Variants in RNF19A observed in about 807,000 individuals in gnomAD.
RNF19A encodes E3 ubiquitin-protein ligase RNF19A.
RNF19A carries 32 observed loss-of-function variants against 75.7 expected under a neutral mutation model. The ratio of observed to expected loss-of-function variants is 0.42; its 90% CI spans 0.32 to 0.57. The LOEUF (loss-of-function observed/expected upper bound fraction) is 0.57, where lower values mean the gene tolerates loss of function less well. RNF19A is among the 20% of genes least tolerant of loss of function. The pLI, the probability that RNF19A is intolerant of heterozygous loss-of-function variation, is 0.10. For synonymous variants in RNF19A, 335 were observed against 345.2 expected (o/e 0.97, Z 0.33); for missense variants, 782 against 1,036.3 (o/e 0.75, Z 3.37).
In RNF19A at chr8:100,287,747, C is replaced by T. The variant is rs1229561063; in HGVS notation, c.428G>A (p.Arg143Lys). Residue 143 changes from arginine (R) to lysine (K), a missense_variant, in exon 2 of 10, where the codon AGA becomes AAA. Physicochemically the swap from Arg to Lys is conservative, Grantham distance 26. Transcript: ENST00000341084. The surrounding 1 kb of genome is among the most constrained non-coding windows in gnomAD (Gnocchi z 4.1). Reference protein sequence around the residue: ...PLCLLRHSKDRFPDIMTCHHR... With the variant: ...PLCLLRHSKDKFPDIMTCHHR... The stretch of plus-strand genomic sequence containing the variant: ...ATGACAAGTCATTATATCAGGAAAT[C>T]TGTCTTTAGAATGCCGCAAAAGGCA... The T allele has an allele frequency of 6.2e-7, 1 of 1,614,108 alleles. No individual in the cohort carries two copies. The highest frequency in any genetic ancestry group is 1.1e-5 in the South Asian group (1 of 91,078).
intron 1 of RNF19A, among the ~76,000 whole-genome samples, chr8:100,304,762 T>C (rs997010868): frequency 6.6e-6 from 1 of 152,186 alleles, no homozygotes; most frequent in African/African-American, 2.4e-5. Flanking sequence ...AACAGTACAT[T>C]CTATATGCAC....
At chr8:100,302,352 A>C (rs1428141998) in intron 1 of RNF19A, among the ~76,000 whole-genome samples, 1 of 152,218 alleles carries the variant, frequency 6.6e-6, no homozygotes, top group African/African-American at 2.4e-5. Flanking sequence ...GGATTTCCTG[A>C]TGGATTACAA....
At chr8:100,303,081 A>G (rs1821912839) in intron 1 of RNF19A, 1 of 152,234 alleles carries the variant, frequency 6.6e-6, no homozygotes, top group African/African-American at 2.4e-5. Context: ...AAGACTTTTG[A>G]CTGCATAGTA....
chr8:100,283,467 G>A (rs1483794832), intron 2 of RNF19A, among the ~76,000 whole-genome samples: 1 of 152,134 alleles, frequency 6.6e-6, no homozygotes, highest in Non-Finnish European at 1.5e-5. Flanking sequence ...ACTTACTCTG[G>A]TTAAATCACA....
At chr8:100,289,057 C>T (rs1331693547) in intron 1 of RNF19A, among the ~76,000 whole-genome samples, 1 of 104,460 alleles carries the variant, frequency 9.6e-6, no homozygotes, top group Non-Finnish European at 1.8e-5. Flanking sequence ...GAGACTCCAT[C>T]TCAAAAAAAA....
In RNF19A at chr8:100,258,925, A is replaced by AC; in HGVS notation, c.2147dup (p.Ser716ArgfsTer11). The AC allele has an allele frequency of 6.2e-7, 1 of 1,614,262 alleles. No individual in the cohort carries two copies. The highest frequency in any genetic ancestry group is 2.2e-5 in the East Asian group (1 of 44,894). On this transcript the variant is annotated frameshift_variant, in exon 10 of 10. Transcript: ENST00000341084. LOFTEE classifies it high-confidence loss of function. This position sits in a 1 kb window ranked among gnomAD's most constrained non-coding sequence, Gnocchi z 4.3. ...AGTGAGAATCTGCTACAGAAGGCATACTGTCACTGAGGGATGGAGCCTCAA... is the reference window on the plus strand; with the variant it reads ...AGTGAGAATCTGCTACAGAAGGCATACCTGTCACTGAGGGATGGAGCCTCAA...
At chr8:100,277,783 G>T (rs777659943) in intron 2 of RNF19A, among the ~76,000 whole-genome samples, 26 of 141,756 alleles carry the variant, frequency 1.8e-4, no homozygotes, top group Non-Finnish European at 3.9e-4. Context: ...AAAGAAAAAA[G>T]ACCCTATTTT....
At chr8:100,318,814 A>G (rs1822422012) in intron 1 of RNF19A, among the ~76,000 whole-genome samples, 1 of 152,232 alleles carries the variant, frequency 6.6e-6, no homozygotes, top group African/African-American at 2.4e-5. Flanking sequence ...TCACCCTCAG[A>G]GTGAAATCCT....
intron 3 of RNF19A, among the ~76,000 whole-genome samples, chr8:100,274,291 T>G (rs60449074): frequency 2.0e-5 from 3 of 152,196 alleles, no homozygotes; most frequent in Non-Finnish European, 4.4e-5. Flanking sequence ...CAATGGCTAC[T>G]GCTGACTCTT....
At chr8:100,302,424 T>C (rs972799103) in intron 1 of RNF19A, among the ~76,000 whole-genome samples, 1 of 152,222 alleles carries the variant, frequency 6.6e-6, no homozygotes, top group Non-Finnish European at 1.5e-5. Flanking sequence ...GGGAAGGCTA[T>C]GAAACACAAG....
chr8:100,310,997 C>CT (rs1289831100), upstream of RNF19A, among the ~76,000 whole-genome samples: 2 of 152,210 alleles, frequency 1.3e-5, no homozygotes, highest in African/African-American at 4.8e-5. Context: ...TTAGATCACT[C>CT]TAACATAGAA....
chr8:100,264,164 G>C lies in RNF19A; in HGVS notation c.1338C>G (p.Val446=), dbSNP rs752748785. ...GIGVPIMLAY[V]YGVVPISLCR... ...AAAGAGAAATTGGAACTACGCCATA[G>C]ACATAAGCTAACATAATAGGAACAC... The change falls in exon 7 of 10, where the codon GTC becomes GTG. Residue 446 remains valine (V), a synonymous_variant. Transcript: ENST00000341084. This position sits in a 1 kb window ranked among gnomAD's most constrained non-coding sequence, Gnocchi z 4.7. 6.2e-6 allele frequency: 10 copies of C among 1,613,266 alleles called. No homozygotes were observed. In the East Asian group the frequency reaches 2.0e-4, roughly 32 times the overall value.
intron 3 of RNF19A, among the ~76,000 whole-genome samples, chr8:100,273,733 AT>A (rs1388061031): frequency 6.6e-6 from 1 of 152,156 alleles, no homozygotes; most frequent in East Asian, 1.9e-4. Flanking sequence ...GCCAGGAACT[AT>A]TTCAACTATA....
upstream of RNF19A, among the ~76,000 whole-genome samples, chr8:100,313,989 T>C (rs915729705): frequency 4.7e-5 from 7 of 149,962 alleles, no homozygotes; most frequent in Admixed American, 4.0e-4. Flanking sequence ...TTAAACAATC[T>C]TCCCCCCTCA....
At chr8:100,293,863 T>C (rs1223735700) in intron 1 of RNF19A, among the ~76,000 whole-genome samples, 1 of 152,208 alleles carries the variant, frequency 6.6e-6, no homozygotes, top group Admixed American at 6.5e-5. Context: ...CTTTTTCTTC[T>C]GCCATCTCCA....
chr8:100,281,324 A>G (rs763853976), intron 2 of RNF19A, among the ~76,000 whole-genome samples: 3 of 152,122 alleles, frequency 2.0e-5, no homozygotes, highest in Non-Finnish European at 4.4e-5. Context: ...AGTAAAATTA[A>G]AGTGGTTTTT....
intron 1 of RNF19A, among the ~76,000 whole-genome samples, chr8:100,299,631 T>C (rs1379472767): frequency 6.6e-6 from 1 of 152,172 alleles, no homozygotes; most frequent in Non-Finnish European, 1.5e-5. Context: ...TGGTGGCACA[T>C]GCCTTTAATC....
intron 2 of RNF19A, among the ~76,000 whole-genome samples, chr8:100,286,382 C>G (rs1161451918): frequency 6.6e-6 from 1 of 152,106 alleles, no homozygotes; most frequent in African/African-American, 2.4e-5. Context: ...TAATTCAAAT[C>G]TAATAATGAA....
chr8:100,268,049 A>T (rs1213195583), intron 5 of RNF19A, among the ~76,000 whole-genome samples: 1 of 151,320 alleles, frequency 6.6e-6, no homozygotes, highest in Non-Finnish European at 1.5e-5. Context: ...ATTTCTTTTT[A>T]TTTTTTAAAA....
Sources: gnomAD v4.1 joint callset for allele counts (sites outside exome capture counted in the v4.1 genomes callset) on GRCh38, gnomAD v4.1.1 for gene constraint, Gnocchi (gnomAD v3.1) non-coding constraint, MANE v1.5 for transcripts, NCBI Gene and HGNC (gene_info 2026-07-23, HGNC 2026-07-21) for gene names.